The following SLC22A8 variants were observed in gnomAD, a reference collection of about 807,000 sequenced individuals.
SLC22A8 encodes the protein solute carrier family 22 member 8, also known as organic anion transporter 3.
Under a neutral mutation model 48.4 loss-of-function variants are expected in SLC22A8, and 40 were observed. That is an observed-to-expected ratio of 0.83 (90% CI 0.64 to 1.08). The LOEUF is 1.08. Among genes scored for constraint, SLC22A8 ranks in the 50% least tolerant of loss-of-function variants. The probability of loss-of-function intolerance (pLI) is 0.00; values close to 1 mark genes in which losing one functional copy is unlikely to be tolerated. For synonymous variants in SLC22A8, 268 were observed against 286.3 expected, an observed-to-expected ratio of 0.94 and a Z score of 0.65; for missense variants, 606 against 699.0, an observed-to-expected ratio of 0.87 and a Z score of 1.50.
chr11:63,008,051 G>A (rs963285405), intron 2 of SLC22A8, among the ~76,000 whole-genome samples: 2 of 152,242 alleles, frequency 1.3e-5, no homozygotes, highest in South Asian at 4.1e-4. Context: ...ATACACGGGA[G>A]CTGTTACTGT....
Position 63,014,653 on chromosome 11 carries a change from G to A in SLC22A8, c.306C>T (p.Asn102=), listed in dbSNP as rs777094457. The part of the protein sequence containing the change: ...MEPCLDGWVY[N]STKDSIVTEW... ...CTGTCACAATGGAGTCCTTGGTGCT[G>A]TTGTAGACCCAGCCATCCAGGCATG... is the stretch of plus-strand genomic sequence containing the variant. Residue 102 remains asparagine (N), a synonymous_variant, in exon 2 of 11, where the codon AAC becomes AAT. Transcript: ENST00000336232. 4.9e-5 allele frequency: 79 copies of A among 1,608,236 alleles called. No individual in the cohort carries two copies. Among genetic ancestry groups the A allele is most frequent in the Non-Finnish European group, 6.7e-5 (79 of 1,175,924 alleles).
chr11:62,994,891 G>T, intron 7 of SLC22A8, 135 bp from the exon 8 acceptor site: 1 of 699,320 alleles, frequency 1.4e-6, no homozygotes, highest in Non-Finnish European at 2.6e-6. Flanking sequence ...GGCTGCTTGA[G>T]TGTCCTTTTG....
Position 62,993,823 on chromosome 11 carries a change from G to C in SLC22A8, c.1272C>G (p.Ser424Arg). The change falls in exon 9 of 11, where the codon AGC (serine) becomes AGG (arginine). Residue 424 changes from serine to arginine, a missense_variant. Coordinates refer to ENST00000336232, the MANE Select transcript of SLC22A8 (RefSeq NM_004254.4). ...TGTAGAGGAAGAGGCAGCTGAAGGAGCTGGATAGGCATCCCTTCCCAAACA... is the reference window on the plus strand; with the variant it reads ...TGTAGAGGAAGAGGCAGCTGAAGGACCTGGATAGGCATCCCTTCCCAAACA... ...LAVFGKGCLSSSFSCLFLYTS... is the reference protein window; with the variant it reads ...LAVFGKGCLSRSFSCLFLYTS... The C allele has an allele frequency of 6.2e-7, 1 of 1,613,940 alleles. No individual in the cohort carries two copies. The highest frequency in any genetic ancestry group is 8.5e-7 in the Non-Finnish European group (1 of 1,179,812).
intron 2 of SLC22A8, among the ~76,000 whole-genome samples, chr11:63,010,631 C>T (rs973837976): frequency 6.6e-6 from 1 of 152,176 alleles, no homozygotes; most frequent in Non-Finnish European, 1.5e-5. Context: ...AGGGACACTT[C>T]CTAAGTGCTC....
At chr11:62,995,925 A>G (rs551641707) in intron 6 of SLC22A8, 104 bp downstream of exon 6, 3 of 1,551,606 alleles carry the variant, frequency 1.9e-6, no homozygotes, top group East Asian at 2.3e-5. Flanking sequence ...AGGGAATCAG[A>G]TGTGGTATAG....
At chr11:62,994,225 G>A (rs2086380759) in intron 8 of SLC22A8, 2 of 522,880 alleles carry the variant, frequency 3.8e-6, no homozygotes, top group Non-Finnish European at 6.9e-6. Context: ...TCTTTCTTGA[G>A]CATGAGCTCT....
chr11:62,998,721 T>G (rs1226962515), intron 5 of SLC22A8, among the ~76,000 whole-genome samples, 200 bp downstream of exon 5: 10 of 152,174 alleles, frequency 6.6e-5, no homozygotes, highest in African/African-American at 2.4e-4. Flanking sequence ...AGGCAGGCCC[T>G]CCTTCCCCAC....
In SLC22A8 at chr11:63,000,718, A is replaced by G; in HGVS notation, c.437+2T>C. On this transcript the variant is annotated splice_donor_variant, in intron 3 of 10. Coordinates refer to ENST00000336232, the MANE Select transcript of SLC22A8 (RefSeq NM_004254.4). LOFTEE classifies it high-confidence loss of function. ...TCCATGGGCTGTGCCCCCATGTCTC[A>G]CCTGTCAGACAGGTCTCCAAGCACG... 3 of 1,603,820 alleles carry G rather than the reference A, an allele frequency of 1.9e-6. No homozygotes were observed. Among genetic ancestry groups the G allele is most frequent in the Non-Finnish European group, 2.6e-6 (3 of 1,170,748 alleles).
chr11:63,015,043 T>A, intron 1 of SLC22A8, 60 bp from the exon 2 acceptor site: 1 of 1,157,612 alleles, frequency 8.6e-7, no homozygotes, highest in Non-Finnish European at 1.2e-6. Flanking sequence ...CGTGGGTCTA[T>A]GGAACGATAT....
At chr11:62,996,385 C>T (rs916363265) in intron 5 of SLC22A8, among the ~76,000 whole-genome samples, 1 of 152,230 alleles carries the variant, frequency 6.6e-6, no homozygotes, top group African/African-American at 2.4e-5. Context: ...TCCTCTGCCC[C>T]CGACCTGGGC....
chr11:63,012,008 G>A (rs549284969), intron 2 of SLC22A8, among the ~76,000 whole-genome samples: 18 of 146,752 alleles, frequency 1.2e-4, no homozygotes, highest in Admixed American at 1.2e-3. Flanking sequence ...TTTTTTTTGA[G>A]ATGGGGTTGT....
chr11:63,008,004 C>T (rs2086575402), intron 2 of SLC22A8, among the ~76,000 whole-genome samples: 1 of 152,226 alleles, frequency 6.6e-6, no homozygotes, highest in Admixed American at 6.5e-5. Context: ...CCCTGCGTGC[C>T]GTGCTCTGAG....
chr11:63,013,642 A>G (rs1443761796), intron 2 of SLC22A8, among the ~76,000 whole-genome samples: 1 of 152,188 alleles, frequency 6.6e-6, no homozygotes, highest in Non-Finnish European at 1.5e-5. Flanking sequence ...TGTAAATTCC[A>G]GTTCTGAAAC....
Position 63,014,703 on chromosome 11 carries a change from T to A in SLC22A8, c.256A>T (p.Asn86Tyr). 2.5e-6 allele frequency: 4 copies of A among 1,613,992 alleles called. No homozygotes were observed. The change falls in exon 2 of 11, where the codon AAT becomes TAT. Residue 86 changes from asparagine (N) to tyrosine (Y), a missense_variant. Transcript: ENST00000336232. ...GGCTCCATGGCCCTCTGGGTGTCATTGGGCAGGCTGGCATTGGGCGGATGT... is the reference window on the plus strand; with the variant it reads ...GGCTCCATGGCCCTCTGGGTGTCATAGGGCAGGCTGGCATTGGGCGGATGT... ...FVHPPNASLP[N>Y]DTQRAMEPCL... is the part of the protein sequence containing the mutation.
intron 5 of SLC22A8, 140 bp downstream of exon 5, chr11:62,998,781 C>T: frequency 1.5e-6 from 1 of 666,590 alleles, no homozygotes; most frequent in Non-Finnish European, 2.6e-6. Flanking sequence ...TTATGTAGTT[C>T]CTCCTCCCTG....
At chr11:63,010,410 G>T (rs924609576) in intron 2 of SLC22A8, among the ~76,000 whole-genome samples, 2 of 152,140 alleles carry the variant, frequency 1.3e-5, no homozygotes, top group Non-Finnish European at 2.9e-5. Context: ...CCAACGCATC[G>T]GTTTCCCGCC....
At chr11:62,999,225 G>C (rs187776950) in intron 4 of SLC22A8, 136 bp from the exon 5 acceptor site, 5 of 720,144 alleles carry the variant, frequency 6.9e-6, no homozygotes, top group Non-Finnish European at 1.2e-5. Flanking sequence ...CCCTCCGTTG[G>C]GTCTTCCTGC....
At chr11:63,012,566 A>T (rs1186026854) in intron 2 of SLC22A8, among the ~76,000 whole-genome samples, 1 of 151,144 alleles carries the variant, frequency 6.6e-6, no homozygotes, top group Non-Finnish European at 1.5e-5. Flanking sequence ...CTCAATCCTC[A>T]CTCCAGGCTG....
intron 2 of SLC22A8, among the ~76,000 whole-genome samples, chr11:63,006,202 T>A (rs1276725474): frequency 6.6e-6 from 1 of 152,172 alleles, no homozygotes; most frequent in African/African-American, 2.4e-5. Context: ...TGTGTCTCCA[T>A]GGTAGTCTGA....
Sources: allele counts gnomAD v4.1 joint callset (sites outside exome capture counted in the v4.1 genomes callset), GRCh38; gene constraint gnomAD v4.1.1; transcripts MANE v1.5; gene names NCBI Gene and HGNC (gene_info 2026-07-23, HGNC 2026-07-21).